Variants in FAM107B observed in about 807,000 individuals in gnomAD.
The protein encoded by FAM107B is family with sequence similarity 107 member B.
A neutral mutation model predicts 31.5 loss-of-function variants in FAM107B; 21 were observed. The ratio of observed to expected loss-of-function variants is 0.67; its 90% CI spans 0.47 to 0.96. The LOEUF is 0.96. Among genes scored for constraint, FAM107B ranks in the 40% least tolerant of loss-of-function variants. FAM107B has a pLI of 0.00. For synonymous variants in FAM107B, 157 were observed against 141.5 expected, an observed-to-expected ratio of 1.11 and a Z score of -0.78; for missense variants, 452 against 377.1, an observed-to-expected ratio of 1.20 and a Z score of -1.64.
intron 2 of FAM107B, among the ~76,000 whole-genome samples, chr10:14,644,446 T>A (rs1831091): frequency 0.22 from 33,396 of 152,194 alleles, 3,991 homozygotes; most frequent in East Asian, 0.45. Flanking sequence ...CTTTCATGCG[T>A]ATGCTGCCTG....
At chr10:14,768,172 G>A (rs12257416) in intron 1 of FAM107B, among the ~76,000 whole-genome samples, 3,287 of 152,150 alleles carry the variant, frequency 0.022, 121 homozygotes, top group African/African-American at 0.075. Context: ...ATAATAAATG[G>A]AAAATATCTT....
chr10:14,570,233 G>GGTGGGTGTGTGTGTGT lies in FAM107B; in HGVS notation c.470-39719_470-39718insACACACACACACCCAC, dbSNP rs768204428. On this transcript the variant is annotated intron_variant, in intron 2 of 4. Coordinates refer to ENST00000181796, the MANE Select transcript of FAM107B (RefSeq NM_031453.4). ...ACGTACCTACCAAAAAAATGTGGTG[G>GGTGGGTGTGTGTGTGT]GTGTGTGTGTGTGTGTGTGTGTGTG... 9.4e-3 allele frequency among the ~76,000 whole-genome samples: 1,324 copies of GGTGGGTGTGTGTGTGT among 140,414 alleles called. 10 individuals are homozygous for GGTGGGTGTGTGTGTGT. Among genetic ancestry groups the GGTGGGTGTGTGTGTGT allele is most frequent in the South Asian group, 0.018 (80 of 4,536 alleles). 92.1% of individuals were successfully genotyped at this position (140,414 alleles called of 152,430 possible).
At position 14,620,311 on chromosome 10, in the gene FAM107B, T is replaced by G. The variant is rs537620102; in HGVS notation, c.469+47323A>C. Among the ~76,000 whole-genome samples the G allele has an allele frequency of 3.3e-5, 5 of 152,222 alleles. No homozygotes were observed. The South Asian group carries it at 1.0e-3, about 32-fold the overall frequency. The stretch of plus-strand genomic sequence containing the variant: ...GGATTACAGGCATGAGCCACCGCGC[T>G]TGGCCTATTTCTGGATTTTCTATCC... On this transcript the variant is annotated intron_variant, in intron 2 of 4. Transcript: ENST00000181796.
At chr10:14,671,515 G>C (rs1854541442) in intron 1 of FAM107B, among the ~76,000 whole-genome samples, 1 of 152,140 alleles carries the variant, frequency 6.6e-6, no homozygotes, top group Admixed American at 6.5e-5. Flanking sequence ...TCCACCCCAA[G>C]TGGGCAGGCT....
chr10:14,569,362 T>C (rs549780203), intron 2 of FAM107B, among the ~76,000 whole-genome samples: 4 of 152,180 alleles, frequency 2.6e-5, no homozygotes, highest in African/African-American at 7.2e-5. Context: ...GGAGGGTACA[T>C]GTTGTGTTGT....
chr10:14,605,254 G>T (rs1852559020), intron 2 of FAM107B, among the ~76,000 whole-genome samples: 1 of 152,080 alleles, frequency 6.6e-6, no homozygotes, highest in Admixed American at 6.5e-5. Flanking sequence ...CCGCCTCTTT[G>T]CTCTCTGATC....
chr10:14,551,259 T>C (rs1267209662), intron 2 of FAM107B, among the ~76,000 whole-genome samples: 5 of 152,176 alleles, frequency 3.3e-5, no homozygotes, highest in African/African-American at 7.2e-5. Context: ...GCGATTCTCC[T>C]GCCTCAGCCT....
chr10:14,644,226 G>A (rs76140978), intron 2 of FAM107B, among the ~76,000 whole-genome samples: 4,324 of 152,280 alleles, frequency 0.028, 120 homozygotes, highest in African/African-American at 0.063. Flanking sequence ...TTTATCAAAT[G>A]CTTACTATAT....
intron 1 of FAM107B, among the ~76,000 whole-genome samples, chr10:14,720,307 G>T (rs951260414): frequency 9.2e-5 from 14 of 152,120 alleles, no homozygotes; most frequent in Non-Finnish European, 1.9e-4. Context: ...AGGCTGGAGT[G>T]CAGTGGCACG....
chr10:14,642,603 A>G (rs535474898), intron 2 of FAM107B, among the ~76,000 whole-genome samples: 51 of 145,250 alleles, frequency 3.5e-4, no homozygotes, highest in African/African-American at 1.2e-3. Flanking sequence ...TAGTTTGGCC[A>G]TGACCTTGGT....
intron 1 of FAM107B, among the ~76,000 whole-genome samples, chr10:14,719,200 C>A (rs1252137896): frequency 1.3e-5 from 2 of 152,148 alleles, no homozygotes; most frequent in Non-Finnish European, 2.9e-5. Context: ...ACTAAGCCTG[C>A]CCAAATAACA....
At chr10:14,771,381 C>T (rs1032341735) in intron 1 of FAM107B, among the ~76,000 whole-genome samples, 1 of 152,114 alleles carries the variant, frequency 6.6e-6, no homozygotes, top group African/African-American at 2.4e-5. Context: ...TACAAAAGTA[C>T]AGTTAGAAGG....
chr10:14,641,162 C>T (rs990144146), intron 2 of FAM107B, among the ~76,000 whole-genome samples: 1 of 152,220 alleles, frequency 6.6e-6, no homozygotes, highest in Non-Finnish European at 1.5e-5. Context: ...GCCCTACCAC[C>T]TTCTGTAGTT....
intron 1 of FAM107B, among the ~76,000 whole-genome samples, chr10:14,751,619 A>G (rs1352093086): frequency 6.6e-6 from 1 of 151,928 alleles, no homozygotes; most frequent in Non-Finnish European, 1.5e-5. Context: ...CCTCCAACTC[A>G]GCTTCCCAAA....
chr10:14,727,039 A>T (rs1230058502), intron 1 of FAM107B, among the ~76,000 whole-genome samples: 1 of 152,022 alleles, frequency 6.6e-6, no homozygotes, highest in Non-Finnish European at 1.5e-5. Context: ...AGATTCTCAT[A>T]AGAAGCAAGC....
At chr10:14,583,559 T>C (rs1335579990) in intron 2 of FAM107B, among the ~76,000 whole-genome samples, 3 of 152,094 alleles carry the variant, frequency 2.0e-5, no homozygotes, top group Non-Finnish European at 4.4e-5. Flanking sequence ...CTCTCCATTT[T>C]TAATTTTTTT....
At chr10:14,758,654 G>T (rs772140978) in intron 1 of FAM107B, among the ~76,000 whole-genome samples, 1 of 152,082 alleles carries the variant, frequency 6.6e-6, no homozygotes, top group Non-Finnish European at 1.5e-5. Flanking sequence ...CGGGCTCCCC[G>T]TCTGGAGCGA....
chr10:14,671,472 T>C (rs987056217), intron 1 of FAM107B, among the ~76,000 whole-genome samples: 2 of 152,094 alleles, frequency 1.3e-5, no homozygotes, highest in Admixed American at 1.3e-4. Flanking sequence ...GCCAGGCTCC[T>C]CCCTGATGCA....
chr10:14,617,464 CA>C (rs1852882637), intron 2 of FAM107B, among the ~76,000 whole-genome samples: 2 of 152,050 alleles, frequency 1.3e-5, no homozygotes, highest in African/African-American at 2.4e-5. Context: ...ACTGTCTTTT[CA>C]AAAATGGTCT....
Sources: gnomAD v4.1 joint callset for allele counts (sites outside exome capture counted in the v4.1 genomes callset) on GRCh38, gnomAD v4.1.1 for gene constraint, MANE v1.5 for transcripts, NCBI Gene and HGNC (gene_info 2026-07-23, HGNC 2026-07-21) for gene names.